Variants in BAIAP2L1 observed in about 807,000 individuals in gnomAD.
BAIAP2L1 encodes the protein BAR/IMD domain-containing adapter protein 2-like 1.
A neutral mutation model predicts 66.3 loss-of-function variants in BAIAP2L1; 35 were observed. That is an observed-to-expected ratio of 0.53 (90% CI 0.40 to 0.70). The LOEUF (loss-of-function observed/expected upper bound fraction) is 0.70, where lower values mean the gene tolerates loss of function less well. Among genes scored for constraint, BAIAP2L1 ranks in the 30% least tolerant of loss-of-function variants. The pLI is 0.00. For synonymous variants in BAIAP2L1, 269 were observed against 248.7 expected (o/e 1.08, Z -0.77); for missense variants, 622 against 656.9 (o/e 0.95, Z 0.58).
At chr7:98,348,988 G>A (rs1458292727) in intron 3 of BAIAP2L1, among the ~76,000 whole-genome samples, 2 of 152,232 alleles carry the variant, frequency 1.3e-5, no homozygotes, top group Non-Finnish European at 2.9e-5. Flanking sequence ...GATCTTTCCC[G>A]GACTCGCCTG....
Position 98,337,490 on chromosome 7 carries a change from G to C in BAIAP2L1, c.215-17192C>G, listed in dbSNP as rs1801641149. ...AAGTGATCCACCCACCTTGGCCTCA[G>C]ATACCTTCTTGTGTGAACAGTTGAG... On this transcript the variant is annotated intron_variant, in intron 3 of 13. Transcript: ENST00000005260. 3.3e-5 allele frequency among the ~76,000 whole-genome samples: 5 copies of C among 152,292 alleles called. No homozygotes were observed. The South Asian group carries it at 1.0e-3, about 32-fold the overall frequency.
intron 1 of BAIAP2L1, among the ~76,000 whole-genome samples, chr7:98,369,149 A>G (rs1403460794): frequency 6.6e-6 from 1 of 151,448 alleles, no homozygotes; most frequent in Non-Finnish European, 1.5e-5. Context: ...GCACACAGCT[A>G]CTTTCTAATT....
chr7:98,325,694 C>CA (rs541148671), intron 3 of BAIAP2L1, among the ~76,000 whole-genome samples: 80 of 146,366 alleles, frequency 5.5e-4, no homozygotes, highest in East Asian at 1.6e-3. Flanking sequence ...TATATACATA[C>CA]AAAAAAAAAA....
intron 1 of BAIAP2L1, among the ~76,000 whole-genome samples, chr7:98,366,986 G>T (rs1184029940): frequency 1.3e-5 from 2 of 151,970 alleles, no homozygotes; most frequent in African/African-American, 4.8e-5. Flanking sequence ...CAAACTCTTG[G>T]GCTCAAGTGA....
chr7:98,292,992 T>C lies in BAIAP2L1; in HGVS notation c.*529A>G, dbSNP rs999356482. ...GGGGTTTCTCCATCTCTGGAAGCTC[T>C]ACACTTAAACATTTTAAGTTAAATT... On this transcript the variant is annotated 3_prime_UTR_variant, in exon 14 of 14. Coordinates refer to ENST00000005260, the MANE Select transcript of BAIAP2L1 (RefSeq NM_018842.5). 67 of 1,168,862 alleles carry C rather than the reference T, an allele frequency of 5.7e-5. 1 individual carries two copies. In the East Asian group the frequency reaches 2.7e-3, roughly 46 times the overall value. The allele number at this position is 1,168,862 out of a possible 1,614,324, so 72.4% of individuals were successfully genotyped here.
rs1224797790 is a variant in BAIAP2L1 at position 98,343,272 on chromosome 7, CACACACACACACACAG to C, written c.214+11754_214+11769del. Among the ~76,000 whole-genome samples, 3 of 150,216 alleles carry C rather than the reference CACACACACACACACAG, an allele frequency of 2.0e-5. No homozygotes were observed. The South Asian group carries it at 6.3e-4, about 32-fold the overall frequency. On this transcript the variant is annotated intron_variant, in intron 3 of 13. Coordinates refer to ENST00000005260, the MANE Select transcript of BAIAP2L1 (RefSeq NM_018842.5). ...ATACACACACACACACACACACACA[CACACACACACACACAG>C]ACACACACACACACTAGCTGGGTGT... is the stretch of plus-strand genomic sequence containing the variant.
intron 12 of BAIAP2L1, among the ~76,000 whole-genome samples, chr7:98,294,867 C>T (rs76745940): frequency 0.041 from 6,226 of 152,310 alleles, 206 homozygotes; most frequent in Non-Finnish European, 0.061. Context: ...GGGAGCAACT[C>T]CTTCCAGCAC....
intron 1 of BAIAP2L1, among the ~76,000 whole-genome samples, chr7:98,388,380 C>G (rs1411933934): frequency 6.6e-6 from 1 of 152,224 alleles, no homozygotes; most frequent in Non-Finnish European, 1.5e-5. Flanking sequence ...GTAATCCCGG[C>G]TACTCGGGAG....
intron 1 of BAIAP2L1, among the ~76,000 whole-genome samples, chr7:98,383,649 A>G (rs1414078213): frequency 6.6e-6 from 1 of 152,080 alleles, no homozygotes. Context: ...CTTTTCTGGG[A>G]TCTCCTCTTT....
rs140895138 is a variant in BAIAP2L1, at chr7:98,348,843, G to A, written c.214+6199C>T. Among the ~76,000 whole-genome samples the A allele has an allele frequency of 1.4e-4, 21 of 152,324 alleles. No individual in the cohort carries two copies. In the East Asian group the frequency reaches 3.9e-3, roughly 28 times the overall value. On this transcript the variant is annotated intron_variant, in intron 3 of 13. Coordinates refer to ENST00000005260, the MANE Select transcript of BAIAP2L1 (RefSeq NM_018842.5). ...CACTGCCGAAGGTGAAGTGTTGCCC[G>A]GGGTCACACAAGTTAACAGCAGGAA...
At chr7:98,340,236 A>G (rs1801708828) in intron 3 of BAIAP2L1, among the ~76,000 whole-genome samples, 1 of 152,146 alleles carries the variant, frequency 6.6e-6, no homozygotes, top group Non-Finnish European at 1.5e-5. Flanking sequence ...GGAAGCATGA[A>G]GTGTGAAATG....
In BAIAP2L1 at chr7:98,320,244, T is replaced by C. The variant is rs1801205624; in HGVS notation, c.269A>G (p.Asp90Gly). The change falls in exon 4 of 14, where the codon GAT becomes GGT. Residue 90 changes from aspartate (D) to glycine (G), a missense_variant. Coordinates refer to ENST00000005260, the MANE Select transcript of BAIAP2L1 (RefSeq NM_018842.5). ...GAAACACAGATCACGTACATTTTCA[T>C]CAAGACTCTCGTTGAGTTTCTTGTG... is the stretch of plus-strand genomic sequence containing the variant. The part of the protein sequence containing the change: ...STHKKLNESL[D>G]ENFKKFHKEI... 6.2e-7 allele frequency: 1 copy of C among 1,608,988 alleles called. No homozygotes were observed. The highest frequency in any genetic ancestry group is 8.5e-7 in the Non-Finnish European group (1 of 1,176,292).
Position 98,349,465 on chromosome 7 carries a change from G to A in BAIAP2L1, c.214+5577C>T, listed in dbSNP as rs3801259. On this transcript the variant is annotated intron_variant, in intron 3 of 13. Coordinates refer to ENST00000005260, the MANE Select transcript of BAIAP2L1 (RefSeq NM_018842.5). ...CTATCCTTACCCCGTAACTCCTGGC[G>A]TTTATGGTTGGAACCCCAGTGAAAC... is the stretch of plus-strand genomic sequence containing the variant. Among the ~76,000 whole-genome samples the A allele has an allele frequency of 1.0e-3, 155 of 152,262 alleles. 2 individuals are homozygous for A. In the East Asian group the frequency reaches 0.027, roughly 27 times the overall value.
At chr7:98,311,210 T>C (rs1800855609) in intron 8 of BAIAP2L1, among the ~76,000 whole-genome samples, 2 of 152,180 alleles carry the variant, frequency 1.3e-5, no homozygotes, top group South Asian at 4.1e-4. Context: ...CTATACTTCC[T>C]TACTTGGGAG....
intron 7 of BAIAP2L1, 40 bp downstream of exon 7, chr7:98,315,420 A>ATAAT: frequency 7.4e-7 from 1 of 1,355,614 alleles, no homozygotes; most frequent in Non-Finnish European, 9.6e-7. Context: ...TATGAAATAA[A>ATAAT]GTTATTAATA....
intron 1 of BAIAP2L1, among the ~76,000 whole-genome samples, chr7:98,394,099 C>A (rs572816596): frequency 6.6e-6 from 1 of 151,872 alleles, no homozygotes; most frequent in African/African-American, 2.4e-5. Flanking sequence ...AAAAATTAGC[C>A]GGGCGTGGTG....
chr7:98,317,542 G>A (rs1003343113), intron 5 of BAIAP2L1, among the ~76,000 whole-genome samples, 186 bp from the exon 6 acceptor site: 1 of 149,178 alleles, frequency 6.7e-6, no homozygotes, highest in African/African-American at 2.5e-5. Flanking sequence ...GCTGGCCGGG[G>A]TCCCATGCCC....
chr7:98,350,732 C>T (rs1801982074), intron 3 of BAIAP2L1, among the ~76,000 whole-genome samples: 2 of 152,170 alleles, frequency 1.3e-5, no homozygotes, highest in African/African-American at 2.4e-5. Flanking sequence ...CCCTACCCCA[C>T]AGCCCCTATT....
chr7:98,388,322 C>T (rs1471262734), intron 1 of BAIAP2L1, among the ~76,000 whole-genome samples: 1 of 152,152 alleles, frequency 6.6e-6, no homozygotes, highest in East Asian at 1.9e-4. Context: ...GCTGAAGAAG[C>T]CTTCTCAGAG....
Sources: gnomAD v4.1 joint callset for allele counts (sites outside exome capture counted in the v4.1 genomes callset) on GRCh38, gnomAD v4.1.1 for gene constraint, MANE v1.5 for transcripts, NCBI Gene and HGNC (gene_info 2026-07-23, HGNC 2026-07-21) for gene names.